SIAH1: variants seen among roughly 807,000 people sequenced by gnomAD.
SIAH1 encodes the protein siah E3 ubiquitin protein ligase 1, also known as E3 ubiquitin-protein ligase SIAH1.
SIAH1 carries 2 observed loss-of-function variants against 20.0 expected under a neutral mutation model. The observed-to-expected ratio is 0.10, with a 90% CI of 0.04 to 0.31. The LOEUF (loss-of-function observed/expected upper bound fraction) is 0.31. Among genes scored for constraint, SIAH1 ranks in the 10% least tolerant of loss-of-function variants. The pLI, the probability that SIAH1 is intolerant of heterozygous loss-of-function variation, is 1.00. For synonymous variants in SIAH1, 118 were observed against 125.3 expected (o/e 0.94, Z 0.39); for missense variants, 119 against 355.3 (o/e 0.33, Z 5.35).
chr16:48,383,618 A>G (rs1219813969), intron 1 of SIAH1, among the ~76,000 whole-genome samples: 1 of 152,234 alleles, frequency 6.6e-6, no homozygotes. Flanking sequence ...AATCTAAACT[A>G]GCTAAGAGAA....
intron 1 of SIAH1, chr16:48,365,591 C>T (rs930020750): frequency 4.3e-5 from 63 of 1,481,276 alleles, no homozygotes; most frequent in Middle Eastern, 2.4e-4. Context: ...GGTCAGGATC[C>T]AAATACCATT....
rs769636694 is a variant in SIAH1, at chr16:48,362,051, A to G, written c.378T>C (p.Tyr126=). The part of the protein sequence containing the change: ...DHEELCEFRP[Y]SCPCPGASCK... The stretch of plus-strand genomic sequence containing the variant: ...AGGAAGCACCAGGGCACGGACAGGA[A>G]TAAGGCCTAAACTCACAGAGCTCTT... The change falls in exon 2 of 2, where the codon TAT becomes TAC. Residue 126 remains tyrosine (Y), a synonymous_variant. Transcript: ENST00000394725. This position sits in a 1 kb window ranked among gnomAD's most constrained non-coding sequence, Gnocchi z 4.2. The G allele has an allele frequency of 2.5e-6, 4 of 1,614,250 alleles. No homozygotes were observed. The highest frequency in any genetic ancestry group is 1.7e-5 in the Admixed American group (1 of 60,028).
At chr16:48,366,027 G>T in intron 1 of SIAH1, 1 of 550,734 alleles carries the variant, frequency 1.8e-6, no homozygotes, top group Non-Finnish European at 2.4e-6. Context: ...GCTCGCGCAA[G>T]GGTGGGGCCG....
intron 1 of SIAH1, among the ~76,000 whole-genome samples, chr16:48,366,085 C>CCCCCGCCA (rs1960830345): frequency 6.6e-6 from 1 of 151,990 alleles, no homozygotes; most frequent in Non-Finnish European, 1.5e-5. Flanking sequence ...CGTGGGGGAG[C>CCCCCGCCA]CCCCGCCACC....
At chr16:48,377,691 G>A (rs1468924874) in intron 1 of SIAH1, among the ~76,000 whole-genome samples, 1 of 151,834 alleles carries the variant, frequency 6.6e-6, no homozygotes, top group African/African-American at 2.4e-5. Context: ...CCGCCACGCT[G>A]AGCCTCCTGA....
rs1302082196 is a variant in SIAH1 at position 48,362,189 on chromosome 16, T to A, written c.240A>T (p.Gly80=). Residue 80 remains glycine, a synonymous_variant, in exon 2 of 2, where the codon GGA becomes GGT. Transcript: ENST00000394725. This position sits in a 1 kb window ranked among gnomAD's most constrained non-coding sequence, Gnocchi z 4.2. ...TCTCCATAGCCAAGTTGCGAATGGA[T>A]CCCAAAGGGCCCCGGCAAGTTGGAC... ...TCCPTCRGPL[G]SIRNLAMEKV... 3 of 1,614,010 alleles carry A rather than the reference T, an allele frequency of 1.9e-6. No individual in the cohort carries two copies. In the African/African-American group the frequency reaches 4.0e-5, roughly 22 times the overall value.
chr16:48,386,176 T>C (rs576325380), upstream of SIAH1, among the ~76,000 whole-genome samples: 2 of 152,340 alleles, frequency 1.3e-5, no homozygotes, highest in Middle Eastern at 3.4e-3. Context: ...CTGAGACATT[T>C]ACAAGCCCTA....
upstream of SIAH1, among the ~76,000 whole-genome samples, chr16:48,386,466 C>T (rs2151058109): frequency 6.6e-6 from 1 of 152,178 alleles, no homozygotes; most frequent in Non-Finnish European, 1.5e-5. Context: ...GAGATCAGGC[C>T]ATTGCACTCC....
rs144652018 is a variant in SIAH1 at position 48,361,290 on chromosome 16, A to C, written c.*290T>G. On this transcript the variant is annotated 3_prime_UTR_variant, in exon 2 of 2. Transcript: ENST00000394725. ...TCAACAATACAATCAATCTACAACA[A>C]ACACAAAACTCAGAATTATTTTACA... 783 of 330,030 alleles carry C rather than the reference A, an allele frequency of 2.4e-3. 6 individuals are homozygous for C. The highest frequency in any genetic ancestry group is 0.018 in the Middle Eastern group (19 of 1,030). 20.4% of individuals were successfully genotyped at this position (330,030 alleles called of 1,614,324 possible).
At position 48,372,629 on chromosome 16, in the gene SIAH1, A is replaced by C. The variant is rs142447309; in HGVS notation, c.-2-10199T>G. On this transcript the variant is annotated intron_variant, in intron 1 of 1. Coordinates refer to ENST00000394725, the MANE Select transcript of SIAH1 (RefSeq NM_003031.4). ...TGAGGTCGATCTAATAACATAAATA[A>C]TTCATTTGTGTGAAGCAAAGCCTAA... 1.9e-3 allele frequency among the ~76,000 whole-genome samples: 284 copies of C among 152,344 alleles called. 1 individual carries two copies. Among genetic ancestry groups the C allele is most frequent in the African/African-American group, 6.5e-3 (271 of 41,568 alleles).
intron 1 of SIAH1, among the ~76,000 whole-genome samples, chr16:48,370,936 A>G (rs1597026387): frequency 6.6e-6 from 1 of 152,016 alleles, no homozygotes; most frequent in East Asian, 1.9e-4. Context: ...CAACGTGGTA[A>G]AAAGTTGTCT....
At chr16:48,365,746 G>C in intron 1 of SIAH1, 6 of 1,363,936 alleles carry the variant, frequency 4.4e-6, no homozygotes, top group Non-Finnish European at 5.7e-6. Flanking sequence ...TGTGCCCTAA[G>C]CTTTCGTCTG....
intron 1 of SIAH1, among the ~76,000 whole-genome samples, chr16:48,379,819 C>A (rs538863476): frequency 3.6e-4 from 55 of 152,278 alleles, no homozygotes; most frequent in Non-Finnish European, 6.0e-4. Context: ...GATAAGAGAG[C>A]TTAATAGGAT....
chr16:48,364,449 C>G (rs1427835057), intron 1 of SIAH1, among the ~76,000 whole-genome samples: 1 of 152,170 alleles, frequency 6.6e-6, no homozygotes, highest in Non-Finnish European at 1.5e-5. Flanking sequence ...TTCCACGTCA[C>G]TAAACGGGTA....
At chr16:48,365,886 G>A in intron 1 of SIAH1, 1 of 1,235,720 alleles carries the variant, frequency 8.1e-7, no homozygotes, top group Non-Finnish European at 1.0e-6. Flanking sequence ...AAGAGTTACT[G>A]CAGGAGCCTG....
At position 48,360,946 on chromosome 16, in the gene SIAH1, G is replaced by A. The variant is rs1167699260; in HGVS notation, c.*634C>T. 6.6e-6 allele frequency: 1 copy of A among 151,996 alleles called. No homozygotes were observed. Among genetic ancestry groups the A allele is most frequent in the African/African-American group, 2.4e-5 (1 of 41,358 alleles). 9.4% of individuals were successfully genotyped at this position (151,996 alleles called of 1,614,324 possible). A position where few individuals can be genotyped will look rare whatever the true frequency, so the allele number is the denominator to read the frequency against. ...AAATATTTCTAATGAACTGATTAAT[G>A]GGGGAAAAGAAAATATTGAACACGT... On this transcript the variant is annotated 3_prime_UTR_variant, in exon 2 of 2. Coordinates refer to ENST00000394725, the MANE Select transcript of SIAH1 (RefSeq NM_003031.4).
chr16:48,365,785 C>G (rs1173657177), intron 1 of SIAH1: 1 of 1,341,180 alleles, frequency 7.5e-7, no homozygotes, highest in Non-Finnish European at 9.5e-7. Context: ...TCCAGATTCA[C>G]TGGGTAGGGT....
chr16:48,373,109 C>T (rs1319464338), intron 1 of SIAH1, among the ~76,000 whole-genome samples: 2 of 152,176 alleles, frequency 1.3e-5, no homozygotes, highest in African/African-American at 4.8e-5. Flanking sequence ...CCAAACCAGT[C>T]TCTCTGTTTC....
At chr16:48,377,373 C>G (rs1961136320) in intron 1 of SIAH1, among the ~76,000 whole-genome samples, 3 of 151,068 alleles carry the variant, frequency 2.0e-5, no homozygotes, top group African/African-American at 7.3e-5. Context: ...TAACATTAAA[C>G]CTAAAGTTCT....
Sources: gnomAD v4.1 joint callset for allele counts (sites outside exome capture counted in the v4.1 genomes callset) on GRCh38, gnomAD v4.1.1 for gene constraint, Gnocchi (gnomAD v3.1) non-coding constraint, MANE v1.5 for transcripts, NCBI Gene and HGNC (gene_info 2026-07-23, HGNC 2026-07-21) for gene names.